Variants in SP140L observed in about 807,000 individuals in gnomAD.
SP140L encodes nuclear body protein SP140-like protein.
SP140L carries 64 observed loss-of-function variants against 84.3 expected under a neutral mutation model. That is an observed-to-expected ratio of 0.76 (90% CI 0.62 to 0.94). The LOEUF (loss-of-function observed/expected upper bound fraction) is 0.94, where lower values mean the gene tolerates loss of function less well. Ranked by LOEUF, SP140L falls within the 40% of genes least tolerant of loss-of-function variation. The pLI is 0.00. For synonymous variants in SP140L, 242 were observed against 236.9 expected, an observed-to-expected ratio of 1.02 and a Z score of -0.20; for missense variants, 628 against 692.5, an observed-to-expected ratio of 0.91 and a Z score of 1.05.
At position 230,380,946 on chromosome 2, in the gene SP140L, A is replaced by G. The variant is rs574926590; in HGVS notation, c.638-2564A>G. Among the ~76,000 whole-genome samples the G allele has an allele frequency of 2.1e-5, 3 of 143,074 alleles. No individual in the cohort carries two copies. The South Asian group carries it at 6.3e-4, about 30-fold the overall frequency. The allele number at this position is 143,074 out of a possible 152,430, so 93.9% of individuals were successfully genotyped here. A position where few individuals can be genotyped will look rare whatever the true frequency, so the allele number is the denominator to read the frequency against. Reference sequence around the variant, plus strand: ...ACTCTCCTCAGCACATTCTTGTAGAAGTCTTCCTGTTTTTTCATATCTCTT... The same window carrying G: ...ACTCTCCTCAGCACATTCTTGTAGAGGTCTTCCTGTTTTTTCATATCTCTT... On this transcript the variant is annotated intron_variant, in intron 7 of 18. Transcript: ENST00000415673.
chr2:230,381,713 C>T (rs1386985549), intron 7 of SP140L, among the ~76,000 whole-genome samples: 4 of 6,574 alleles, frequency 6.1e-4, no homozygotes, highest in South Asian at 5.2e-3. Flanking sequence ...TGTCTCTCTA[C>T]ACACACACAC....
In SP140L at chr2:230,392,132, C is replaced by A; in HGVS notation, c.1010C>A (p.Thr337Asn). ...CAGACTGAGGATGGAAAATGGTTCA[C>A]CCCCATGGAATTTGAAATCAAAGGA... ...CIQTEDGKWF[T>N]PMEFEIKGGY... The change falls in exon 12 of 19, where the codon ACC becomes AAC. Residue 337 changes from threonine to asparagine, a missense_variant. By Grantham distance (65) the Thr-to-Asn change is moderately conservative. Around this residue, in one of 4 missense-constraint regions of SP140L, gnomAD observed 525 missense variants for 518.4 expected, o/e 1.01. Transcript: ENST00000415673. The A allele has an allele frequency of 6.2e-7, 1 of 1,613,950 alleles. No individual in the cohort carries two copies. The highest frequency in any genetic ancestry group is 8.5e-7 in the Non-Finnish European group (1 of 1,179,888).
chr2:230,369,987 T>A (rs2061006507), intron 5 of SP140L, among the ~76,000 whole-genome samples: 1 of 148,058 alleles, frequency 6.8e-6, no homozygotes, highest in Admixed American at 6.6e-5. Flanking sequence ...TTGGCCAGGC[T>A]GGTCTTGAAT....
intron 5 of SP140L, 57 bp from the exon 6 acceptor site, chr2:230,370,851 G>C: frequency 6.4e-7 from 1 of 1,562,548 alleles, no homozygotes; most frequent in Non-Finnish European, 8.8e-7. Flanking sequence ...TTTGCCCCGG[G>C]AGCAGAGCGA....
At chr2:230,385,821 T>G (rs765510307) in intron 9 of SP140L, among the ~76,000 whole-genome samples, 6 of 152,216 alleles carry the variant, frequency 3.9e-5, no homozygotes, top group Non-Finnish European at 5.9e-5. Context: ...AGCCTTAGTC[T>G]GGAACACATA....
Position 230,358,976 on chromosome 2 carries a change from T to G in SP140L, c.283T>G (p.Ser95Ala). The G allele has an allele frequency of 6.3e-7, 1 of 1,584,332 alleles. No individual in the cohort carries two copies. The highest frequency in any genetic ancestry group is 1.7e-4 in the Middle Eastern group (1 of 5,952). Residue 95 changes from serine (S) to alanine (A), a missense_variant, in exon 4 of 19, where the codon TCT becomes GCT. Ser to Ala is a moderately conservative substitution (Grantham distance 99). Transcript: ENST00000415673. ...TNKMFEDSED[S>A]CRNLVPVQRV... ...AATATTTTTAAAGGATTCTGAAGAT[T>G]CTTGTAGAAACCTGGTCCCTGTACA...
chr2:230,342,386 A>G (rs1376519521), intron 2 of SP140L, among the ~76,000 whole-genome samples: 1 of 152,194 alleles, frequency 6.6e-6, no homozygotes, highest in African/African-American at 2.4e-5. Context: ...ACCTGCGCCC[A>G]CTGTCTGGCA....
At chr2:230,365,660 C>T (rs1418515479) in intron 5 of SP140L, among the ~76,000 whole-genome samples, 1 of 151,682 alleles carries the variant, frequency 6.6e-6, no homozygotes. Flanking sequence ...TTATTTCCTT[C>T]TTTCTACTAA....
chr2:230,402,440 A>G (rs570716036), intron 18 of SP140L, among the ~76,000 whole-genome samples: 8 of 152,376 alleles, frequency 5.3e-5, no homozygotes, highest in African/African-American at 1.7e-4. Context: ...TCTTAGCTGC[A>G]TGAGTTTTCA....
In SP140L at chr2:230,402,894, T is replaced by C. The variant is rs775878912; in HGVS notation, c.1741T>C (p.Ter581ArgextTer3). 1 of 1,610,180 alleles carries C rather than the reference T, an allele frequency of 6.2e-7. No homozygotes were observed. ...TATTCAGGAAACAAATGGGAACAGT[T>C]GACTGGTTTAGTGGATGCTGAAGGC... ...FAIQETNGNS[*>R] is the part of the protein sequence containing the mutation. The change falls in exon 19 of 19, where the codon TGA (stop) becomes CGA (arginine). Residue 581 changes from the stop codon to arginine, a stop_lost. Coordinates refer to ENST00000415673, the MANE Select transcript of SP140L (RefSeq NM_138402.6).
At chr2:230,353,153 G>A (rs1014287018) in intron 2 of SP140L, among the ~76,000 whole-genome samples, 1 of 151,772 alleles carries the variant, frequency 6.6e-6, no homozygotes, top group African/African-American at 2.4e-5. Context: ...CAATCTCATT[G>A]CCATTACCTT....
chr2:230,359,961 G>GGTATTGGTGCTATACCAAACTAAAGTTTC (rs2060663661), intron 4 of SP140L, among the ~76,000 whole-genome samples: 1 of 136,796 alleles, frequency 7.3e-6, no homozygotes, highest in Admixed American at 6.9e-5. Flanking sequence ...ACTAAAGTTT[G>GGTATTGGTGCTATACCAAACTAAAGTTTC]GTATTGGTGC....
rs532203355 is a variant in SP140L at position 230,383,540 on chromosome 2, T to G, written c.668T>G (p.Met223Arg). 7 of 1,606,992 alleles carry G rather than the reference T, an allele frequency of 4.4e-6. No individual in the cohort carries two copies. The highest frequency in any genetic ancestry group is 4.0e-5 in the African/African-American group (3 of 74,954). ...AAGAAGGGGCATGGCTGGAGCAGAATGGGAACGAGAACGCAGAAAAACAAC... is the reference window on the plus strand; with the variant it reads ...AAGAAGGGGCATGGCTGGAGCAGAAGGGGAACGAGAACGCAGAAAAACAAC... ...RKKKGHGWSR[M>R]GTRTQKNNQQ... The change falls in exon 8 of 19, where the codon ATG becomes AGG. Residue 223 changes from methionine (M) to arginine (R), a missense_variant. By Grantham distance (91) the Met-to-Arg change is moderately conservative. Coordinates refer to ENST00000415673, the MANE Select transcript of SP140L (RefSeq NM_138402.6).
At chr2:230,350,746 G>A (rs1224803133) in intron 2 of SP140L, among the ~76,000 whole-genome samples, 1 of 152,032 alleles carries the variant, frequency 6.6e-6, no homozygotes, top group Non-Finnish European at 1.5e-5. Flanking sequence ...GAGTATGGGG[G>A]CAGGATGGGG....
chr2:230,351,591 C>T (rs914267301), intron 2 of SP140L, among the ~76,000 whole-genome samples: 2 of 152,262 alleles, frequency 1.3e-5, no homozygotes, highest in East Asian at 3.9e-4. Flanking sequence ...TAACTATTCT[C>T]ATCTCAAATT....
At chr2:230,401,118 T>C (rs2062317489) in intron 16 of SP140L, 55 bp downstream of exon 16, 1 of 768,832 alleles carries the variant, frequency 1.3e-6, no homozygotes, top group Non-Finnish European at 2.1e-6. Context: ...GTGAGAACCA[T>C]GAACAAGCGC....
In SP140L at chr2:230,383,495, C is replaced by A; in HGVS notation, c.638-15C>A. 6.3e-7 allele frequency: 1 copy of A among 1,591,712 alleles called. No individual in the cohort carries two copies. Among genetic ancestry groups the A allele is most frequent in the Non-Finnish European group, 8.6e-7 (1 of 1,168,706 alleles). On this transcript the variant is annotated splice_polypyrimidine_tract_variant and intron_variant, in intron 7 of 18. Coordinates refer to ENST00000415673, the MANE Select transcript of SP140L (RefSeq NM_138402.6). ...ATTCCTCTGTATAATTAACTTTATT[C>A]TCTTTGGTTTGAAGGAAAAAAGAAG... is the stretch of plus-strand genomic sequence containing the variant.
chr2:230,337,682 A>G (rs938801901), intron 2 of SP140L, among the ~76,000 whole-genome samples: 9 of 152,172 alleles, frequency 5.9e-5, no homozygotes, highest in African/African-American at 1.9e-4. Context: ...TAAGGTGTAA[A>G]GAAGGGATCC....
At chr2:230,395,395 C>T (rs931387871) in intron 13 of SP140L, among the ~76,000 whole-genome samples, 1 of 151,790 alleles carries the variant, frequency 6.6e-6, no homozygotes, top group African/African-American at 2.4e-5. Context: ...CTGGACACAT[C>T]GTGAGATATC....
Sources: allele counts gnomAD v4.1 joint callset (sites outside exome capture counted in the v4.1 genomes callset), GRCh38; gene constraint gnomAD v4.1.1; regional missense constraint gnomAD v4.1.1; transcripts MANE v1.5; gene names NCBI Gene and HGNC (gene_info 2026-07-23, HGNC 2026-07-21).